Variants in NTM observed in about 807,000 individuals in gnomAD.
The protein encoded by NTM is IgLON family member 2.
A neutral mutation model predicts 42.1 loss-of-function variants in NTM; 13 were observed. The observed-to-expected ratio is 0.31, with a 90% confidence interval of 0.20 to 0.49. NTM has a LOEUF of 0.49. NTM is among the 20% of genes least tolerant of loss of function. The pLI, the probability that NTM is intolerant of heterozygous loss-of-function variation, is 0.99. For missense variants in NTM, 373 were observed against 452.8 expected, an observed-to-expected ratio of 0.82 and a Z score of 1.60; for synonymous variants, 187 against 179.2, an observed-to-expected ratio of 1.04 and a Z score of -0.35.
At chr11:131,522,737 C>T (rs2049923924) in intron 1 of NTM, among the ~76,000 whole-genome samples, 1 of 152,196 alleles carries the variant, frequency 6.6e-6, no homozygotes, top group Non-Finnish European at 1.5e-5. Context: ...TCAGTGCTTT[C>T]CTTGGCCTCC....
intron 1 of NTM, among the ~76,000 whole-genome samples, chr11:131,589,754 G>A (rs961547953): frequency 1.3e-5 from 2 of 152,118 alleles, no homozygotes; most frequent in Non-Finnish European, 2.9e-5. Context: ...CCAGGTCACT[G>A]CCTGGCCTCA....
At chr11:131,889,970 C>A (rs141115756) in intron 1 of NTM, among the ~76,000 whole-genome samples, 1 of 152,088 alleles carries the variant, frequency 6.6e-6, no homozygotes, top group African/African-American at 2.4e-5. Flanking sequence ...CCCTTGTATT[C>A]AAAGTCTCAT....
intron 1 of NTM, among the ~76,000 whole-genome samples, chr11:131,760,469 G>A (rs530835420): frequency 7.2e-5 from 11 of 152,172 alleles, no homozygotes; most frequent in Admixed American, 6.5e-5. Context: ...TCAGCATGGC[G>A]CATTGTTAAA....
chr11:131,544,107 C>G (rs2053624250), intron 1 of NTM, among the ~76,000 whole-genome samples: 1 of 152,158 alleles, frequency 6.6e-6, no homozygotes, highest in Non-Finnish European at 1.5e-5. Context: ...AGGTCAGTCC[C>G]ATGGAATGGA....
chr11:131,733,418 C>T (rs892480466), intron 1 of NTM, among the ~76,000 whole-genome samples: 41 of 151,970 alleles, frequency 2.7e-4, no homozygotes, highest in African/African-American at 9.4e-4. Context: ...TTTCCTATGC[C>T]ATTAAAATTT....
At chr11:131,544,202 G>A (rs1421789515) in intron 1 of NTM, among the ~76,000 whole-genome samples, 2 of 152,080 alleles carry the variant, frequency 1.3e-5, no homozygotes. Context: ...TCTGGCACTT[G>A]GAATAAAACA....
chr11:131,646,017 A>C (rs1012983387), intron 1 of NTM, among the ~76,000 whole-genome samples: 1 of 152,234 alleles, frequency 6.6e-6, no homozygotes, highest in Non-Finnish European at 1.5e-5. Context: ...CAGGTGTGAA[A>C]GATTTAGAAG....
intron 1 of NTM, among the ~76,000 whole-genome samples, chr11:131,602,422 G>A (rs1025181365): frequency 1.3e-5 from 2 of 152,030 alleles, no homozygotes; most frequent in African/African-American, 2.4e-5. Context: ...TCAAAAAGTC[G>A]GTCTCCTCAA....
intron 2 of NTM, among the ~76,000 whole-genome samples, chr11:132,077,964 A>G (rs1315010264): frequency 2.0e-5 from 3 of 152,246 alleles, no homozygotes; most frequent in East Asian, 1.9e-4. Flanking sequence ...AAATCCTTAT[A>G]CCATTATACT....
At chr11:131,930,055 G>A (rs1158567258) in intron 2 of NTM, among the ~76,000 whole-genome samples, 1 of 152,158 alleles carries the variant, frequency 6.6e-6, no homozygotes, top group Non-Finnish European at 1.5e-5. Flanking sequence ...GTTGGGGGTT[G>A]TTTAACCATT....
chr11:131,960,707 G>A (rs765951034), intron 2 of NTM, among the ~76,000 whole-genome samples: 18 of 152,154 alleles, frequency 1.2e-4, no homozygotes, highest in Admixed American at 1.2e-3. Flanking sequence ...TTATGGAGTG[G>A]TTCTATGACA....
At chr11:131,520,224 C>T (rs1263691218) in intron 1 of NTM, among the ~76,000 whole-genome samples, 1 of 152,138 alleles carries the variant, frequency 6.6e-6, no homozygotes, top group East Asian at 1.9e-4. Flanking sequence ...TATTAAACAT[C>T]TAGCACATGG....
intron 2 of NTM, among the ~76,000 whole-genome samples, chr11:132,063,873 A>G (rs1162842204): frequency 6.6e-6 from 1 of 152,182 alleles, no homozygotes; most frequent in African/African-American, 2.4e-5. Flanking sequence ...TCCTCTCACC[A>G]TCTTCACCCT....
At chr11:132,226,417 T>C (rs2086295972) in intron 4 of NTM, among the ~76,000 whole-genome samples, 1 of 152,208 alleles carries the variant, frequency 6.6e-6, no homozygotes, top group South Asian at 2.1e-4. Context: ...TGGTGTGAGG[T>C]GGTATCTCAT....
chr11:131,959,591 A>T (rs2061917058), intron 2 of NTM, among the ~76,000 whole-genome samples: 1 of 152,198 alleles, frequency 6.6e-6, no homozygotes, highest in South Asian at 2.1e-4. Context: ...AGTTGTGGTC[A>T]CACCACTGCA....
chr11:131,484,632 C>G (rs767715484), intron 1 of NTM, among the ~76,000 whole-genome samples: 43 of 152,156 alleles, frequency 2.8e-4, no homozygotes, highest in Non-Finnish European at 5.4e-4. Context: ...GACCCTCTTC[C>G]TCCTGCGTAG....
At chr11:132,134,072 T>A (rs1279011636) in intron 2 of NTM, among the ~76,000 whole-genome samples, 1 of 152,188 alleles carries the variant, frequency 6.6e-6, no homozygotes, top group Non-Finnish European at 1.5e-5. Flanking sequence ...TATAGGCACA[T>A]GCCACCCTGC....
At chr11:131,625,722 C>T (rs1263241534) in intron 1 of NTM, among the ~76,000 whole-genome samples, 1 of 152,204 alleles carries the variant, frequency 6.6e-6, no homozygotes, top group African/African-American at 2.4e-5. Flanking sequence ...GTTGTGCTCA[C>T]AGCTGCCCTC....
At chr11:131,395,812 C>T (rs1165746707) in intron 1 of NTM, among the ~76,000 whole-genome samples, 1 of 152,188 alleles carries the variant, frequency 6.6e-6, no homozygotes, top group Non-Finnish European at 1.5e-5. Context: ...CCTCTGACCC[C>T]TGTCCCTGCT....
Sources: gnomAD v4.1 joint callset for allele counts (sites outside exome capture counted in the v4.1 genomes callset) on GRCh38, gnomAD v4.1.1 for gene constraint, MANE v1.5 for transcripts, NCBI Gene and HGNC (gene_info 2026-07-23, HGNC 2026-07-21) for gene names.